PPP2R5E: variants seen among roughly 807,000 people sequenced by gnomAD.
PPP2R5E encodes protein phosphatase 2 regulatory subunit B'epsilon, also known as serine/threonine-protein phosphatase 2A 56 kDa regulatory subunit epsilon isoform.
A neutral mutation model predicts 65.3 loss-of-function variants in PPP2R5E; 4 were observed. The observed-to-expected ratio is 0.06, with a 90% confidence interval of 0.03 to 0.14. The LOEUF is 0.14. Among genes scored for constraint, PPP2R5E ranks in the 10% least tolerant of loss-of-function variants. The probability of loss-of-function intolerance (pLI) is 1.00; values close to 1 mark genes in which losing one functional copy is unlikely to be tolerated. For missense variants in PPP2R5E, 274 were observed against 556.1 expected (o/e 0.49, Z 5.10); for synonymous variants, 183 against 187.4 (o/e 0.98, Z 0.19).
At chr14:63,438,834 G>A (rs937677531) in intron 3 of PPP2R5E, among the ~76,000 whole-genome samples, 5 of 152,150 alleles carry the variant, frequency 3.3e-5, no homozygotes, top group African/African-American at 9.7e-5. Context: ...AAGAGAGAAT[G>A]ATTGCGGAGA....
chr14:63,505,687 G>C (rs1363809431), intron 2 of PPP2R5E, among the ~76,000 whole-genome samples: 2 of 152,214 alleles, frequency 1.3e-5, no homozygotes, highest in African/African-American at 4.8e-5. Flanking sequence ...ATCTGGACCA[G>C]CTGCATCCCC....
At chr14:63,490,976 G>A (rs1257855971) in intron 2 of PPP2R5E, among the ~76,000 whole-genome samples, 4 of 151,810 alleles carry the variant, frequency 2.6e-5, no homozygotes, top group Non-Finnish European at 4.4e-5. Flanking sequence ...GGAAAGATAT[G>A]GAATCAACCT....
intron 2 of PPP2R5E, among the ~76,000 whole-genome samples, chr14:63,473,268 C>T (rs1251294500): frequency 1.3e-5 from 2 of 152,100 alleles, no homozygotes; most frequent in Non-Finnish European, 2.9e-5. Flanking sequence ...GGACTGGAAA[C>T]AAGGGGCTAT....
intron 2 of PPP2R5E, among the ~76,000 whole-genome samples, chr14:63,507,665 C>T (rs1156383074): frequency 1.1e-4 from 16 of 150,020 alleles, no homozygotes; most frequent in Admixed American, 9.9e-4. Context: ...CTGCAAGCTC[C>T]GCCTCCCAGG....
intron 11 of PPP2R5E, among the ~76,000 whole-genome samples, chr14:63,386,147 A>T (rs1041480672): frequency 2.0e-5 from 3 of 152,226 alleles, no homozygotes; most frequent in African/African-American, 7.2e-5. Flanking sequence ...AGACACTGAG[A>T]AAACAGAATT....
At chr14:63,487,669 C>T (rs1009079463) in intron 2 of PPP2R5E, among the ~76,000 whole-genome samples, 4 of 152,180 alleles carry the variant, frequency 2.6e-5, no homozygotes, top group African/African-American at 4.8e-5. Context: ...TAGTGTTTCA[C>T]CTTTCAAAAC....
intron 2 of PPP2R5E, among the ~76,000 whole-genome samples, chr14:63,460,746 A>G (rs958164522): frequency 6.6e-6 from 1 of 152,194 alleles, no homozygotes; most frequent in Non-Finnish European, 1.5e-5. Flanking sequence ...ATGCTCTCCA[A>G]TTTACAAATA....
At chr14:63,464,611 G>A (rs980171789) in intron 2 of PPP2R5E, among the ~76,000 whole-genome samples, 12 of 152,294 alleles carry the variant, frequency 7.9e-5, no homozygotes, top group Admixed American at 2.0e-4. Flanking sequence ...TGTGAAACAC[G>A]GTGAGGACTT....
At chr14:63,380,935 G>C (rs998926285) in intron 13 of PPP2R5E, among the ~76,000 whole-genome samples, 6 of 152,050 alleles carry the variant, frequency 3.9e-5, no homozygotes, top group African/African-American at 1.4e-4. Flanking sequence ...CTAAAAATGA[G>C]ACAAAGCAAA....
intron 2 of PPP2R5E, among the ~76,000 whole-genome samples, chr14:63,524,903 G>A (rs780070003): frequency 1.3e-5 from 2 of 152,096 alleles, no homozygotes; most frequent in African/African-American, 2.4e-5. Context: ...TTGCAAAAAC[G>A]TCTTAGTAAA....
intron 2 of PPP2R5E, among the ~76,000 whole-genome samples, chr14:63,520,474 T>C (rs948479496): frequency 1.3e-5 from 2 of 152,202 alleles, no homozygotes; most frequent in Non-Finnish European, 2.9e-5. Context: ...TCTGTTCAGG[T>C]GATTAATATC....
intron 2 of PPP2R5E, among the ~76,000 whole-genome samples, chr14:63,512,055 G>C (rs1390621029): frequency 1.5e-5 from 2 of 136,192 alleles, no homozygotes; most frequent in African/African-American, 5.6e-5. Flanking sequence ...CTCCAGCCTG[G>C]ACGACAGAGC....
intron 13 of PPP2R5E, among the ~76,000 whole-genome samples, chr14:63,378,407 T>C (rs937670013): frequency 1.3e-5 from 2 of 152,212 alleles, no homozygotes; most frequent in Non-Finnish European, 1.5e-5. Flanking sequence ...AGCTTAGCGT[T>C]CCAATAATGG....
intron 2 of PPP2R5E, among the ~76,000 whole-genome samples, chr14:63,504,558 G>A (rs141165266): frequency 0.035 from 5,275 of 152,108 alleles, 291 homozygotes; most frequent in African/African-American, 0.12. Flanking sequence ...CTCCAGCCTC[G>A]GCGACAGAGT....
At chr14:63,377,677 T>G (rs954565505) in intron 13 of PPP2R5E, among the ~76,000 whole-genome samples, 3 of 152,240 alleles carry the variant, frequency 2.0e-5, no homozygotes, top group East Asian at 1.9e-4. Context: ...TTTTCATAAC[T>G]TAGGCCTTGT....
chr14:63,506,722 G>A (rs1258251960), intron 2 of PPP2R5E, among the ~76,000 whole-genome samples: 2 of 152,078 alleles, frequency 1.3e-5, no homozygotes, highest in African/African-American at 2.4e-5. Flanking sequence ...GAGCTGCTGT[G>A]GAAAACAGTT....
chr14:63,391,925 A>T, intron 9 of PPP2R5E, 47 bp downstream of exon 9: 1 of 1,605,608 alleles, frequency 6.2e-7, no homozygotes, highest in African/African-American at 1.3e-5. Context: ...TACTTCTGGG[A>T]AAGGTAATTT....
chr14:63,462,442 T>C (rs940774817), intron 2 of PPP2R5E, among the ~76,000 whole-genome samples: 2 of 152,170 alleles, frequency 1.3e-5, no homozygotes, highest in Admixed American at 6.5e-5. Context: ...AGAGCAGCCA[T>C]GTCAGTCCTT....
chr14:63,398,303 A>C (rs990671448), intron 5 of PPP2R5E, among the ~76,000 whole-genome samples: 1 of 152,236 alleles, frequency 6.6e-6, no homozygotes, highest in Non-Finnish European at 1.5e-5. Context: ...CTCTTGAGGG[A>C]AACAAAACTT....
Sources: gnomAD v4.1 joint callset for allele counts (sites outside exome capture counted in the v4.1 genomes callset) on GRCh38, gnomAD v4.1.1 for gene constraint, MANE v1.5 for transcripts, NCBI Gene and HGNC (gene_info 2026-07-23, HGNC 2026-07-21) for gene names.